SIRT3: variants seen among roughly 807,000 people sequenced by gnomAD.
The protein encoded by SIRT3 is sirtuin 3.
In SIRT3, 26 loss-of-function variants were observed where a neutral mutation model predicts 33.5. That is an observed-to-expected ratio of 0.78 (90% confidence interval 0.57 to 1.08). The LOEUF (loss-of-function observed/expected upper bound fraction) is 1.08. Among genes scored for constraint, SIRT3 ranks in the 50% least tolerant of loss-of-function variants. SIRT3 has a pLI of 0.00. For synonymous variants in SIRT3, 237 were observed against 222.1 expected (o/e 1.07, Z -0.60); for missense variants, 585 against 530.1 (o/e 1.10, Z -1.02).
chr11:236,364 C>CGGCCCCCGG (rs1262849421), upstream of SIRT3: 1 of 1,222,134 alleles, frequency 8.2e-7, no homozygotes, highest in Non-Finnish European at 1.0e-6. Flanking sequence ...CGGACTCGCC[C>CGGCCCCCGG]CGCCCCCGGC....
chr11:223,351 C>G lies in SIRT3; in HGVS notation c.969+727G>C, dbSNP rs1026081869. 9.3e-6 allele frequency: 2 copies of G among 214,922 alleles called. No homozygotes were observed. The highest frequency in any genetic ancestry group is 4.5e-5 in the African/African-American group (2 of 44,106). The allele number at this position is 214,922 out of a possible 1,614,324, so 13.3% of individuals were successfully genotyped here. ...CCCTGACCTTACAGACCAAGCCAGA[C>G]GCCTCCTTCTCACGTCCCCAAAACA... On this transcript the variant is annotated intron_variant, in intron 5 of 6. Coordinates refer to ENST00000382743, the MANE Select transcript of SIRT3 (RefSeq NM_012239.6). The surrounding 1 kb of genome is among the most constrained non-coding windows in gnomAD (Gnocchi z 4.8).
chr11:232,949 G>C, intron 3 of SIRT3, 34 bp downstream of exon 3: 1 of 1,600,282 alleles, frequency 6.2e-7, no homozygotes, highest in Non-Finnish European at 8.6e-7. Context: ...CTCCGTGGGA[G>C]AAAAAGAATG....
Position 236,035 on chromosome 11 carries a change from T to C in SIRT3, c.281+13A>G, listed in dbSNP as rs759784223. On this transcript the variant is annotated intron_variant, in intron 1 of 6. Transcript: ENST00000382743. ...ACGAACACGCAAGAAGTGCTTGTCC[T>C]TGCCCAAAATACCTCGAAAAGAAGA... 1 of 1,497,046 alleles carries C rather than the reference T, an allele frequency of 6.7e-7. No individual in the cohort carries two copies. Among genetic ancestry groups the C allele is most frequent in the Non-Finnish European group, 8.9e-7 (1 of 1,123,632 alleles). The allele number at this position is 1,497,046 out of a possible 1,614,324, so 92.7% of individuals were successfully genotyped here.
Position 216,582 on chromosome 11 carries a change from C to A in SIRT3, c.*116G>T. On this transcript the variant is annotated 3_prime_UTR_variant, in exon 7 of 7. Coordinates refer to ENST00000382743, the MANE Select transcript of SIRT3 (RefSeq NM_012239.6). ...CCAGTGGCAGCCTCGGGTGTCCACT[C>A]AGTTCACATATTCTGGTTTCACCTG... 8.7e-7 allele frequency: 1 copy of A among 1,147,076 alleles called. No individual in the cohort carries two copies. The highest frequency in any genetic ancestry group is 1.3e-6 in the Non-Finnish European group (1 of 764,460). 71.1% of individuals were successfully genotyped at this position (1,147,076 alleles called of 1,614,324 possible). A position where few individuals can be genotyped will look rare whatever the true frequency, so the allele number is the denominator to read the frequency against.
At chr11:228,022 C>T (rs775309489) in intron 4 of SIRT3, among the ~76,000 whole-genome samples, 2 of 152,210 alleles carry the variant, frequency 1.3e-5, no homozygotes, top group African/African-American at 2.4e-5. Context: ...CAAACCCTAA[C>T]AGAGCAAGCA....
At position 223,644 on chromosome 11, in the gene SIRT3, C is replaced by T. The variant is rs1856733543; in HGVS notation, c.969+434G>A. ...CCCATCCTTCTCCCTTCTCCTCACA[C>T]GTGGTGCCCCACCCACACCTATACC... On this transcript the variant is annotated intron_variant, in intron 5 of 6. Transcript: ENST00000382743. This position sits in a 1 kb window ranked among gnomAD's most constrained non-coding sequence, Gnocchi z 4.8. The T allele has an allele frequency of 7.8e-6, 4 of 515,952 alleles. No individual in the cohort carries two copies. The highest frequency in any genetic ancestry group is 4.2e-5 in the East Asian group (1 of 23,542). 32.0% of individuals were successfully genotyped at this position (515,952 alleles called of 1,614,324 possible). A position where few individuals can be genotyped will look rare whatever the true frequency, so the allele number is the denominator to read the frequency against.
intron 5 of SIRT3, among the ~76,000 whole-genome samples, chr11:221,891 T>C (rs1294653008): frequency 1.8e-5 from 2 of 109,376 alleles, no homozygotes; most frequent in African/African-American, 5.2e-5. Flanking sequence ...CGTATGCATT[T>C]GTACAAAAAA....
At chr11:229,044 G>A (rs1183425033) in intron 4 of SIRT3, among the ~76,000 whole-genome samples, 1 of 152,230 alleles carries the variant, frequency 6.6e-6, no homozygotes, top group Non-Finnish European at 1.5e-5. Flanking sequence ...TGGGATAGCT[G>A]TAATTAAAAA....
In SIRT3 at chr11:233,204, C is replaced by T; in HGVS notation, c.485G>A (p.Ser162Asn). 6.2e-7 allele frequency: 1 copy of T among 1,613,470 alleles called. No homozygotes were observed. The highest frequency in any genetic ancestry group is 8.5e-7 in the Non-Finnish European group (1 of 1,179,618). Reference sequence around the variant, plus strand: ...CTGCTGGAGGTTGCTGTACAGGCCACTCCCCGGCGATCTGCAGGGAGAGAA... The same window carrying T: ...CTGCTGGAGGTTGCTGTACAGGCCATTCCCCGGCGATCTGCAGGGAGAGAA... ...SGIPDFRSPGSGLYSNLQQYD... is the reference protein window; with the variant it reads ...SGIPDFRSPGNGLYSNLQQYD... The change falls in exon 3 of 7, where the codon AGT (serine) becomes AAT (asparagine). Residue 162 changes from serine to asparagine, a missense_variant. Coordinates refer to ENST00000382743, the MANE Select transcript of SIRT3 (RefSeq NM_012239.6).
chr11:228,964 G>A (rs1194622826), intron 4 of SIRT3, among the ~76,000 whole-genome samples: 1 of 152,256 alleles, frequency 6.6e-6, no homozygotes, highest in Non-Finnish European at 1.5e-5. Context: ...CACATGGAAA[G>A]ATGTTTGATA....
intron 2 of SIRT3, 49 bp downstream of exon 2, chr11:233,294 G>C (rs779631266): frequency 6.9e-6 from 11 of 1,601,318 alleles, no homozygotes; most frequent in Non-Finnish European, 9.4e-6. Flanking sequence ...GGGGAGGGCA[G>C]GAGTCAGGGG....
rs1734492 is a variant in SIRT3 at position 233,049 on chromosome 11, G to A, written c.640C>T (p.Arg214Trp). ...YKPNVTHYFL[R>W]LLHDKGLLLR... ...AGCAGCCCCTTGTCATGAAGCAGCCGGAGAAAGTAGTGAGTGACGTTGGGC... is the reference window on the plus strand; with the variant it reads ...AGCAGCCCCTTGTCATGAAGCAGCCAGAGAAAGTAGTGAGTGACGTTGGGC... The change falls in exon 3 of 7, where the codon CGG becomes TGG. Residue 214 changes from arginine to tryptophan, a missense_variant. Arg to Trp is a moderately radical substitution (Grantham distance 101). Coordinates refer to ENST00000382743, the MANE Select transcript of SIRT3 (RefSeq NM_012239.6). The A allele has an allele frequency of 8.1e-6, 13 of 1,614,158 alleles. No homozygotes were observed. Among genetic ancestry groups the A allele is most frequent in the South Asian group, 2.2e-5 (2 of 91,080 alleles).
intron 5 of SIRT3, among the ~76,000 whole-genome samples, chr11:220,297 C>CTGG (rs1856259353): frequency 7.0e-6 from 1 of 143,004 alleles, no homozygotes; most frequent in Non-Finnish European, 1.5e-5. Flanking sequence ...GCCACTGAAC[C>CTGG]TCCAGCCTGG....
At chr11:220,346 A>G (rs902906859) in intron 5 of SIRT3, among the ~76,000 whole-genome samples, 9 of 150,146 alleles carry the variant, frequency 6.0e-5, no homozygotes, top group African/African-American at 9.7e-5. Context: ...AAAAAAAAAA[A>G]AAAAGAAAGA....
intron 1 of SIRT3, among the ~76,000 whole-genome samples, chr11:234,997 C>T (rs1287089010): frequency 6.6e-6 from 1 of 151,842 alleles, no homozygotes; most frequent in African/African-American, 2.4e-5. Context: ...CCTGCCTCCG[C>T]CTCCTGAGTA....
intron 1 of SIRT3, among the ~76,000 whole-genome samples, chr11:234,418 G>GTT: frequency 6.6e-6 from 1 of 152,064 alleles, no homozygotes; most frequent in African/African-American, 2.4e-5. Context: ...GTTTTGTTTT[G>GTT]TTTTGTTTTG....
intron 4 of SIRT3, among the ~76,000 whole-genome samples, chr11:227,049 A>T (rs1857278964): frequency 6.6e-6 from 1 of 151,866 alleles, no homozygotes; most frequent in Non-Finnish European, 1.5e-5. Flanking sequence ...ACCATGACCA[A>T]CTGGCCTACA....
At chr11:224,891 T>TTTTTTTTTTTTTTTTTTTTTTTGAG (rs1490942246) in intron 4 of SIRT3, among the ~76,000 whole-genome samples, 1 of 151,954 alleles carries the variant, frequency 6.6e-6, no homozygotes, top group African/African-American at 2.4e-5. Flanking sequence ...CCTGACTTTC[T>TTTTTTTTTTTTTTTTTTTTTTTGAG]AAGGTAAACC....
chr11:236,179 C>G lies in SIRT3; in HGVS notation c.150G>C (p.Leu50=). ...LGGRDDVSAG[L]RGSHGARGEP... ...CACCGCGGGCCCCATGGCTGCCTCT[C>G]AGCCCCGCACTCACATCGTCCCTGC... Residue 50 remains leucine (L), a synonymous_variant, in exon 1 of 7, where the codon CTG becomes CTC. Transcript: ENST00000382743. 6.4e-7 allele frequency: 1 copy of G among 1,563,860 alleles called. No individual in the cohort carries two copies. The highest frequency in any genetic ancestry group is 8.6e-7 in the Non-Finnish European group (1 of 1,157,138).
Sources: allele counts gnomAD v4.1 joint callset (sites outside exome capture counted in the v4.1 genomes callset), GRCh38; gene constraint gnomAD v4.1.1; non-coding constraint Gnocchi (gnomAD v3.1); transcripts MANE v1.5; gene names NCBI Gene and HGNC (gene_info 2026-07-23, HGNC 2026-07-21).